The following ENAH variants were observed in gnomAD, a reference collection of about 807,000 sequenced individuals.
The protein encoded by ENAH is ENAH actin regulator, also known as protein enabled homolog.
ENAH carries 23 observed loss-of-function variants against 78.7 expected under a neutral mutation model. That is an observed-to-expected ratio of 0.29 (90% CI 0.21 to 0.41). ENAH has a LOEUF of 0.41. Ranked by LOEUF, ENAH falls within the 10% of genes least tolerant of loss-of-function variation. ENAH has a pLI of 1.00. For missense variants in ENAH, 544 were observed against 691.0 expected (o/e 0.79, Z 2.39); for synonymous variants, 226 against 241.0 (o/e 0.94, Z 0.58).
chr1:225,607,867 C>G (rs2096964846), intron 1 of ENAH, among the ~76,000 whole-genome samples: 1 of 152,134 alleles, frequency 6.6e-6, no homozygotes, highest in African/African-American at 2.4e-5. Context: ...ACCAGTTCAT[C>G]CCTCAGAGAG....
intron 11 of ENAH, 97 bp downstream of exon 11, chr1:225,507,854 G>A: frequency 3.7e-6 from 3 of 818,812 alleles, no homozygotes. Context: ...GGGCTCCTCT[G>A]TATAATTTCT....
rs1575280362 is a variant in ENAH at position 225,496,583 on chromosome 1, A to C, written c.*1192T>G. The C allele has an allele frequency of 6.5e-6, 1 of 152,816 alleles. No individual in the cohort carries two copies. The highest frequency in any genetic ancestry group is 2.4e-5 in the African/African-American group (1 of 41,594). The allele number at this position is 152,816 out of a possible 1,614,324, so 9.5% of individuals were successfully genotyped here. On this transcript the variant is annotated 3_prime_UTR_variant, in exon 14 of 14. Transcript: ENST00000366843. ...CAGTGATCAAACTTTTGAGTTCCAC[A>C]GTTAAGATATTATGTGAAGCTCAGA...
chr1:225,651,326 T>A (rs1283804513), intron 1 of ENAH, among the ~76,000 whole-genome samples: 1 of 151,064 alleles, frequency 6.6e-6, no homozygotes, highest in South Asian at 2.1e-4. Flanking sequence ...TAAGCCTAAG[T>A]AAAAATTCAA....
intron 2 of ENAH, among the ~76,000 whole-genome samples, chr1:225,555,568 C>T (rs2096662296): frequency 6.7e-6 from 1 of 148,916 alleles, no homozygotes; most frequent in Non-Finnish European, 1.5e-5. Context: ...GGCGATAGAG[C>T]GAGACTCTGT....
At chr1:225,614,572 T>A (rs2097013722) in intron 1 of ENAH, among the ~76,000 whole-genome samples, 1 of 152,166 alleles carries the variant, frequency 6.6e-6, no homozygotes, top group Non-Finnish European at 1.5e-5. Context: ...TAGACATGAC[T>A]GATTAAATCA....
intron 12 of ENAH, among the ~76,000 whole-genome samples, chr1:225,498,762 G>A (rs891758213): frequency 3.9e-5 from 6 of 152,218 alleles, no homozygotes; most frequent in African/African-American, 1.2e-4. Flanking sequence ...AGGAAGTTTA[G>A]AGGAGGAAGA....
At chr1:225,620,821 A>G (rs1311592659) in intron 1 of ENAH, among the ~76,000 whole-genome samples, 1 of 152,020 alleles carries the variant, frequency 6.6e-6, no homozygotes, top group African/African-American at 2.4e-5. Flanking sequence ...CCTAGCCAAC[A>G]TGGTGAAACC....
rs375036779 is a variant in ENAH, at chr1:225,641,064, C to T, written c.5+11622G>A. On this transcript the variant is annotated intron_variant, in intron 1 of 13. Transcript: ENST00000366843. ...ATTTTTAGTAGAGACAGGGTTTCAC[C>T]GTGTTAGCCAGGATGGTCTCAATAT... Among the ~76,000 whole-genome samples the T allele has an allele frequency of 2.6e-5, 4 of 151,774 alleles. No individual in the cohort carries two copies. In the South Asian group the frequency reaches 8.3e-4, roughly 32 times the overall value.
At chr1:225,619,480 G>T (rs1656415591) in intron 1 of ENAH, among the ~76,000 whole-genome samples, 1 of 152,110 alleles carries the variant, frequency 6.6e-6, no homozygotes, top group Non-Finnish European at 1.5e-5. Context: ...AGAGGCAGAG[G>T]TTGCAGTGAG....
chr1:225,557,283 C>G (rs767854128), intron 2 of ENAH, among the ~76,000 whole-genome samples: 5 of 152,018 alleles, frequency 3.3e-5, no homozygotes, highest in African/African-American at 7.2e-5. Flanking sequence ...TATTATTAAT[C>G]GAGTTCTAAG....
At chr1:225,589,713 G>C (rs2096866116) in intron 1 of ENAH, among the ~76,000 whole-genome samples, 1 of 152,134 alleles carries the variant, frequency 6.6e-6, no homozygotes, top group Admixed American at 6.5e-5. Context: ...TGTATACAGA[G>C]AAGGATGGAG....
rs1221896662 is a variant in ENAH, at chr1:225,505,364, C to A, written c.1538+2587G>T. ...GAGGCATGTAAAGGACTAGTTTTCC[C>A]ATCTTGAATACAAGATCTGTAAGGT... On this transcript the variant is annotated intron_variant, in intron 11 of 13. Transcript: ENST00000366843. Among the ~76,000 whole-genome samples, 3 of 152,094 alleles carry A rather than the reference C, an allele frequency of 2.0e-5. No individual in the cohort carries two copies. In the East Asian group the frequency reaches 5.8e-4, roughly 29 times the overall value.
At chr1:225,563,178 T>C (rs956158246) in intron 2 of ENAH, among the ~76,000 whole-genome samples, 2 of 152,226 alleles carry the variant, frequency 1.3e-5, no homozygotes, top group Non-Finnish European at 2.9e-5. Context: ...TTAGTTCTAA[T>C]AGTTTATCCG....
At chr1:225,540,800 C>CCA (rs1356816875) in intron 3 of ENAH, among the ~76,000 whole-genome samples, 1 of 151,784 alleles carries the variant, frequency 6.6e-6, no homozygotes, top group East Asian at 1.9e-4. Flanking sequence ...TCACTATACA[C>CCA]CACACTCACA....
chr1:225,517,610 G>T (rs2096431687), intron 5 of ENAH: 1 of 1,551,068 alleles, frequency 6.4e-7, no homozygotes, highest in African/African-American at 1.4e-5. Context: ...ATCATTATTG[G>T]AGGAGATGGA....
intron 1 of ENAH, among the ~76,000 whole-genome samples, chr1:225,589,809 A>G (rs1348332258): frequency 6.6e-6 from 1 of 152,168 alleles, no homozygotes. Context: ...GTTAACAGAA[A>G]AATTCAACCA....
At chr1:225,566,262 T>TG in intron 2 of ENAH, among the ~76,000 whole-genome samples, 1 of 150,912 alleles carries the variant, frequency 6.6e-6, no homozygotes, top group East Asian at 2.0e-4. Context: ...TTTGTGTGTT[T>TG]TTTTGTTTGT....
At chr1:225,555,509 G>T (rs952855954) in intron 2 of ENAH, among the ~76,000 whole-genome samples, 12 of 151,820 alleles carry the variant, frequency 7.9e-5, no homozygotes, top group African/African-American at 2.9e-4. Flanking sequence ...GTGAATCCAG[G>T]AGGCAGAGTT....
At chr1:225,582,384 C>A (rs1215376948) in intron 1 of ENAH, among the ~76,000 whole-genome samples, 1 of 152,160 alleles carries the variant, frequency 6.6e-6, no homozygotes, top group Non-Finnish European at 1.5e-5. Context: ...CAGGAAGGCA[C>A]TGGAGAATGA....
Sources: gnomAD v4.1 joint callset for allele counts (sites outside exome capture counted in the v4.1 genomes callset) on GRCh38, gnomAD v4.1.1 for gene constraint, MANE v1.5 for transcripts, NCBI Gene and HGNC (gene_info 2026-07-23, HGNC 2026-07-21) for gene names.